ARID1B: variants seen among roughly 807,000 people sequenced by gnomAD.
ARID1B encodes the protein AT-rich interaction domain 1B.
Under a neutral mutation model 212.3 loss-of-function variants are expected in ARID1B, and 30 were observed. The ratio of observed to expected loss-of-function variants is 0.14; its 90% CI spans 0.11 to 0.19. ARID1B has a LOEUF of 0.19. Among genes scored for constraint, ARID1B ranks in the 10% least tolerant of loss-of-function variants. The probability of loss-of-function intolerance (pLI) is 1.00; values close to 1 mark genes in which losing one functional copy is unlikely to be tolerated. For synonymous variants in ARID1B, 1,402 were observed against 1,301.7 expected (o/e 1.08, Z -1.66); for missense variants, 2,891 against 3,204.0 (o/e 0.90, Z 2.36).
Position 157,094,929 on chromosome 6 carries a change from T to G in ARID1B, c.2491+10024T>G, listed in dbSNP as rs1198608646. Among the ~76,000 whole-genome samples, 2 of 152,080 alleles carry G rather than the reference T, an allele frequency of 1.3e-5. No individual in the cohort carries two copies. Among genetic ancestry groups the G allele is most frequent in the East Asian group, 3.8e-4 (2 of 5,196 alleles). ...CTGTACAGAAGACAGAGGAACACGT[T>G]TTTGAAGGGGAATCGAGAGTTTGGT... On this transcript the variant is annotated intron_variant, in intron 5 of 19. Transcript: ENST00000636930. The surrounding 1 kb of genome is among the most constrained non-coding windows in gnomAD (Gnocchi z 4.3).
chr6:157,045,901 A>G (rs1388413053), intron 4 of ARID1B, among the ~76,000 whole-genome samples: 6 of 152,140 alleles, frequency 3.9e-5, no homozygotes, highest in Admixed American at 3.9e-4. Flanking sequence ...GAAAGATTCA[A>G]GGGGGTGTGG....
intron 2 of ARID1B, among the ~76,000 whole-genome samples, chr6:156,893,060 T>TTG (rs1268821728): frequency 7.3e-6 from 1 of 137,700 alleles, no homozygotes; most frequent in Non-Finnish European, 1.5e-5. Context: ...TTTTTTTTTT[T>TTG]GAGATGGAGT....
intron 3 of ARID1B, among the ~76,000 whole-genome samples, chr6:156,928,706 G>T (rs1489882769): frequency 6.6e-6 from 1 of 152,184 alleles, no homozygotes; most frequent in African/African-American, 2.4e-5. Context: ...TGGCAGGCGG[G>T]CCCCTTCACC....
intron 5 of ARID1B, among the ~76,000 whole-genome samples, chr6:157,086,149 T>A (rs1784954076): frequency 6.6e-6 from 1 of 152,218 alleles, no homozygotes; most frequent in African/African-American, 2.4e-5. Flanking sequence ...AGCCAGAAGG[T>A]CTTGGGCAGG....
At position 157,148,916 on chromosome 6, in the gene ARID1B, A is replaced by G; in HGVS notation, c.3054A>G (p.Ala1018=). 6.2e-7 allele frequency: 1 copy of G among 1,612,676 alleles called. No homozygotes were observed. The highest frequency in any genetic ancestry group is 8.5e-7 in the Non-Finnish European group (1 of 1,179,816). ...GTAAGGCACAGGAGGCAGCCGCAGC[A>G]GTGATGCAGGCTGCTGCGAACTCAG... The part of the protein sequence containing the change: ...VNRKAQEAAA[A]VMQAAANSAQ... The change falls in exon 8 of 20, where the codon GCA becomes GCG. Residue 1018 remains alanine, a synonymous_variant. Transcript: ENST00000636930. This position sits in a 1 kb window ranked among gnomAD's most constrained non-coding sequence, Gnocchi z 5.6.
intron 4 of ARID1B, among the ~76,000 whole-genome samples, chr6:156,944,408 T>G (rs968424035): frequency 6.6e-6 from 1 of 152,188 alleles, no homozygotes; most frequent in Non-Finnish European, 1.5e-5. Context: ...CTCTTCTTGT[T>G]CATCCTAGAG....
intron 3 of ARID1B, among the ~76,000 whole-genome samples, chr6:156,921,137 T>C (rs528470916): frequency 1.5e-4 from 23 of 152,070 alleles, no homozygotes; most frequent in African/African-American, 5.3e-4. Context: ...GGAAGAGCAG[T>C]GGGGGATTAA....
At chr6:156,788,875 G>A (rs1301965067) in intron 1 of ARID1B, among the ~76,000 whole-genome samples, 1 of 152,096 alleles carries the variant, frequency 6.6e-6, no homozygotes, top group Non-Finnish European at 1.5e-5. Flanking sequence ...TACTTACTGA[G>A]CACCACTTGG....
At chr6:156,998,646 G>A (rs1211724294) in intron 4 of ARID1B, among the ~76,000 whole-genome samples, 1 of 152,190 alleles carries the variant, frequency 6.6e-6, no homozygotes, top group African/African-American at 2.4e-5. Flanking sequence ...GACTCATCCT[G>A]AGGCTGGAGA....
At chr6:157,122,311 T>C (rs565256176) in intron 6 of ARID1B, among the ~76,000 whole-genome samples, 1 of 152,338 alleles carries the variant, frequency 6.6e-6, no homozygotes, top group South Asian at 2.1e-4. Flanking sequence ...ATAGGAATTT[T>C]TCACTGATGC....
chr6:157,175,264 G>T, intron 11 of ARID1B: 1 of 214,064 alleles, frequency 4.7e-6, no homozygotes, highest in Non-Finnish European at 9.1e-6. Context: ...AAGCATGCGA[G>T]TGTGTTAACT....
intron 5 of ARID1B, among the ~76,000 whole-genome samples, chr6:157,088,280 T>TG (rs1263212700): frequency 1.3e-5 from 2 of 152,168 alleles, no homozygotes; most frequent in Non-Finnish European, 2.9e-5. Context: ...TCCTAGACCT[T>TG]GGGGGAGTAG....
intron 6 of ARID1B, among the ~76,000 whole-genome samples, chr6:157,126,805 G>C (rs1268925546): frequency 6.6e-6 from 1 of 152,016 alleles, no homozygotes; most frequent in Non-Finnish European, 1.5e-5. Flanking sequence ...TATATTTTCT[G>C]AATTTCCCTA....
At chr6:156,844,109 A>T (rs1384630741) in intron 2 of ARID1B, among the ~76,000 whole-genome samples, 3 of 152,178 alleles carry the variant, frequency 2.0e-5, no homozygotes, top group African/African-American at 7.2e-5. Flanking sequence ...CAGTTTACAC[A>T]TGGTTATGAG....
At chr6:157,160,810 C>T (rs1439344040) in intron 8 of ARID1B, among the ~76,000 whole-genome samples, 1 of 152,198 alleles carries the variant, frequency 6.6e-6, no homozygotes, top group African/African-American at 2.4e-5. Flanking sequence ...TTTCTCTTCT[C>T]CTTACCTGGT....
intron 2 of ARID1B, among the ~76,000 whole-genome samples, chr6:156,893,024 CTTTT>C (rs890377448): frequency 3.2e-5 from 4 of 126,128 alleles, no homozygotes; most frequent in Non-Finnish European, 5.1e-5. Flanking sequence ...CTATAAAACT[CTTTT>C]TTTTTCTTTT....
intron 2 of ARID1B, 70 bp from the exon 3 acceptor site, chr6:156,901,306 G>A: frequency 6.3e-7 from 1 of 1,581,494 alleles, no homozygotes; most frequent in South Asian, 1.1e-5. Flanking sequence ...TTGCTGAATT[G>A]AAACCATATT....
intron 2 of ARID1B, among the ~76,000 whole-genome samples, chr6:156,833,230 C>A (rs1433627807): frequency 1.3e-5 from 2 of 151,300 alleles, no homozygotes; most frequent in African/African-American, 4.9e-5. Context: ...AAAAAAAAAA[C>A]AAACCTTAAA....
chr6:156,927,193 G>A (rs9322589), intron 3 of ARID1B, among the ~76,000 whole-genome samples: 35,977 of 151,980 alleles, frequency 0.24, 4,589 homozygotes, highest in African/African-American at 0.33. Context: ...TCCAAATAAA[G>A]TGTTAACAAT....
Sources: allele counts gnomAD v4.1 joint callset (sites outside exome capture counted in the v4.1 genomes callset), GRCh38; gene constraint gnomAD v4.1.1; non-coding constraint Gnocchi (gnomAD v3.1); transcripts MANE v1.5; gene names NCBI Gene and HGNC (gene_info 2026-07-23, HGNC 2026-07-21).